ADCY3: variants seen among roughly 807,000 people sequenced by gnomAD.
ADCY3 encodes the protein adenylate cyclase 3.
ADCY3 carries 70 observed loss-of-function variants against 119.4 expected under a neutral mutation model. That is an observed-to-expected ratio of 0.59 (90% CI 0.48 to 0.72). ADCY3 has a LOEUF of 0.72. Ranked by LOEUF, ADCY3 falls within the 30% of genes least tolerant of loss-of-function variation. The probability of loss-of-function intolerance (pLI) is 0.00; values close to 1 mark genes in which losing one functional copy is unlikely to be tolerated. For synonymous variants in ADCY3, 672 were observed against 621.4 expected (o/e 1.08, Z -1.21); for missense variants, 1,238 against 1,541.6 (o/e 0.80, Z 3.30).
rs1052266826 is a variant in ADCY3, at chr2:24,918,906, G to T, written c.82C>A (p.Pro28Thr). 6.2e-7 allele frequency: 1 copy of T among 1,612,816 alleles called. No individual in the cohort carries two copies. Among genetic ancestry groups the T allele is most frequent in the Admixed American group, 1.7e-5 (1 of 60,012 alleles). The change falls in exon 2 of 22, where the codon CCT becomes ACT. Residue 28 changes from proline (P) to threonine (T), a missense_variant. Physicochemically the swap from Pro to Thr is conservative, Grantham distance 38. This residue lies in a region of ADCY3 where 227 missense variants were observed against 249.3 expected (regional missense o/e 0.91). Coordinates refer to ENST00000679454, the MANE Select transcript of ADCY3 (RefSeq NM_004036.5). The surrounding 1 kb of genome is among the most constrained non-coding windows in gnomAD (Gnocchi z 5.4). ...TGGGTCCGGCCCACCCCGCGGTCAGGGTCGGAGGGCAGGCTGACGGAGTAC... is the reference window on the plus strand; with the variant it reads ...TGGGTCCGGCCCACCCCGCGGTCAGTGTCGGAGGGCAGGCTGACGGAGTAC... ...AEYSVSLPSD[P>T]DRGVGRTHEI... is the part of the protein sequence containing the mutation.
intron 21 of ADCY3, chr2:24,820,374 G>C: frequency 7.6e-7 from 1 of 1,321,426 alleles, no homozygotes; most frequent in Non-Finnish European, 9.6e-7. Flanking sequence ...CTGGGTGGCA[G>C]CACTGTTACC....
chr2:24,891,656 T>G (rs1677674803), intron 2 of ADCY3, among the ~76,000 whole-genome samples: 1 of 152,210 alleles, frequency 6.6e-6, no homozygotes, highest in Non-Finnish European at 1.5e-5. Flanking sequence ...ATCTTCTATA[T>G]GTGAACTTGT....
chr2:24,901,538 G>A (rs1678899995), intron 2 of ADCY3, among the ~76,000 whole-genome samples: 1 of 152,122 alleles, frequency 6.6e-6, no homozygotes, highest in Non-Finnish European at 1.5e-5. Flanking sequence ...CAAAAAGAAA[G>A]AACAGTAATA....
chr2:24,917,307 G>C (rs967018969), intron 2 of ADCY3, among the ~76,000 whole-genome samples: 1 of 152,240 alleles, frequency 6.6e-6, no homozygotes, highest in African/African-American at 2.4e-5. Context: ...CCACAGAACA[G>C]AGCTGGCGTG....
intron 2 of ADCY3, among the ~76,000 whole-genome samples, chr2:24,885,376 C>G (rs1865688): frequency 0.32 from 48,818 of 152,090 alleles, 8,031 homozygotes; most frequent in South Asian, 0.39. Flanking sequence ...AACACCCAAG[C>G]TTGTCATGGT....
In ADCY3 at chr2:24,919,104, T is replaced by C; in HGVS notation, c.-117A>G. The C allele has an allele frequency of 8.6e-7, 1 of 1,160,294 alleles. No individual in the cohort carries two copies. Among genetic ancestry groups the C allele is most frequent in the Non-Finnish European group, 1.2e-6 (1 of 847,134 alleles). 71.9% of individuals were successfully genotyped at this position (1,160,294 alleles called of 1,614,324 possible). ...CGGGGGAGGGCTGAGGGCCTCTTCT[T>C]GTCTGGGGCGGAGGGGAGGCCACCT... On this transcript the variant is annotated 5_prime_UTR_variant, in exon 2 of 22. Transcript: ENST00000679454. The surrounding 1 kb of genome is among the most constrained non-coding windows in gnomAD (Gnocchi z 5.5).
At chr2:24,895,833 C>A (rs181181573) in intron 2 of ADCY3, among the ~76,000 whole-genome samples, 21 of 152,112 alleles carry the variant, frequency 1.4e-4, no homozygotes, top group Admixed American at 1.4e-3. Context: ...ACCATATTGC[C>A]CAGGGTGGAA....
chr2:24,845,794 C>G (rs1671585912), intron 3 of ADCY3, among the ~76,000 whole-genome samples: 1 of 152,216 alleles, frequency 6.6e-6, no homozygotes, highest in South Asian at 2.1e-4. Flanking sequence ...CACCACAGGC[C>G]CTGAGGTGTA....
chr2:24,826,248 T>A, intron 15 of ADCY3, 122 bp from the exon 16 acceptor site: 3 of 816,822 alleles, frequency 3.7e-6, no homozygotes, highest in Non-Finnish European at 5.9e-6. Flanking sequence ...CCCCGGCTCC[T>A]TAGGCCCTTT....
chr2:24,891,752 A>G (rs1388521639), intron 2 of ADCY3, among the ~76,000 whole-genome samples: 1 of 152,214 alleles, frequency 6.6e-6, no homozygotes, highest in African/African-American at 2.4e-5. Flanking sequence ...TAAAGGGCTT[A>G]AAGATGAAAA....
At chr2:24,820,612 T>C (rs1016186167) in intron 21 of ADCY3, 112 bp downstream of exon 21, 5 of 1,535,778 alleles carry the variant, frequency 3.3e-6, no homozygotes, top group Non-Finnish European at 4.4e-6. Context: ...TCTCTGCCTC[T>C]GGACTTACTG....
chr2:24,844,418 G>A (rs1485326963), intron 3 of ADCY3, among the ~76,000 whole-genome samples: 1 of 152,138 alleles, frequency 6.6e-6, no homozygotes, highest in Non-Finnish European at 1.5e-5. Context: ...GCAGGAGCCA[G>A]GGACCTTGCC....
rs767085635 is a variant in ADCY3 at position 24,842,425 on chromosome 2, T to C, written c.826-41A>G. ...GAGGGTCAGAGGCAAAGGTAGGCCC[T>C]GCTAGAGGCAAGTTCAGATACTTCT... On this transcript the variant is annotated intron_variant, in intron 3 of 21. Coordinates refer to ENST00000679454, the MANE Select transcript of ADCY3 (RefSeq NM_004036.5). The surrounding 1 kb of genome is among the most constrained non-coding windows in gnomAD (Gnocchi z 4.9). 2.5e-6 allele frequency: 4 copies of C among 1,612,852 alleles called. No individual in the cohort carries two copies. Among genetic ancestry groups the C allele is most frequent in the Non-Finnish European group, 3.4e-6 (4 of 1,179,372 alleles).
intron 3 of ADCY3, among the ~76,000 whole-genome samples, chr2:24,845,897 G>A (rs913953906): frequency 9.9e-5 from 15 of 152,266 alleles, no homozygotes; most frequent in African/African-American, 2.9e-4. Flanking sequence ...CGCTCCAGCC[G>A]TGGCCGAAAG....
chr2:24,841,222 G>A lies in ADCY3; in HGVS notation c.1196+37C>T, dbSNP rs201161473. ...CCCTGGGTCCAGGGCCGGGGCCCTT[G>A]CTCTGGGAGCCTCCCTCCCAGAGGC... On this transcript the variant is annotated intron_variant, in intron 6 of 21. Coordinates refer to ENST00000679454, the MANE Select transcript of ADCY3 (RefSeq NM_004036.5). The surrounding 1 kb of genome is among the most constrained non-coding windows in gnomAD (Gnocchi z 5.8). 24 of 1,531,610 alleles carry A rather than the reference G, an allele frequency of 1.6e-5. No homozygotes were observed. The East Asian group carries it at 5.7e-4, about 36-fold the overall frequency. 94.9% of individuals were successfully genotyped at this position (1,531,610 alleles called of 1,614,324 possible).
intron 2 of ADCY3, among the ~76,000 whole-genome samples, chr2:24,906,003 G>A (rs1679404448): frequency 6.6e-6 from 1 of 152,120 alleles, no homozygotes. Context: ...TAATTGTGAA[G>A]GCCAGCAGGT....
intron 2 of ADCY3, among the ~76,000 whole-genome samples, chr2:24,909,613 A>C (rs1188211063): frequency 6.6e-6 from 1 of 152,224 alleles, no homozygotes; most frequent in Non-Finnish European, 1.5e-5. Context: ...GAAATGATGT[A>C]TTGGATCCTA....
chr2:24,830,895 A>G (rs1331832587), intron 12 of ADCY3, 70 bp from the exon 13 acceptor site: 7 of 1,240,842 alleles, frequency 5.6e-6, no homozygotes, highest in South Asian at 2.5e-5. Context: ...GACTGACAGC[A>G]ACTCAGGCTG....
At chr2:24,831,207 T>C (rs989489595) in intron 12 of ADCY3, among the ~76,000 whole-genome samples, 3 of 148,948 alleles carry the variant, frequency 2.0e-5, no homozygotes, top group Admixed American at 6.9e-5. Context: ...TCCTAAACAC[T>C]GCTTTACCTT....
Sources: allele counts gnomAD v4.1 joint callset (sites outside exome capture counted in the v4.1 genomes callset), GRCh38; gene constraint gnomAD v4.1.1; regional missense constraint gnomAD v4.1.1; non-coding constraint Gnocchi (gnomAD v3.1); transcripts MANE v1.5; gene names NCBI Gene and HGNC (gene_info 2026-07-23, HGNC 2026-07-21).